The following PCDHA5 variants were observed in gnomAD, a reference collection of about 807,000 sequenced individuals.
The protein encoded by PCDHA5 is protocadherin alpha 5, also known as protocadherin alpha-5.
In PCDHA5, 43 loss-of-function variants were observed where a neutral mutation model predicts 61.6. That is an observed-to-expected ratio of 0.70 (90% CI 0.55 to 0.90). The LOEUF is 0.90. Among genes scored for constraint, PCDHA5 ranks in the 40% least tolerant of loss-of-function variants. The pLI, the probability that PCDHA5 is intolerant of heterozygous loss-of-function variation, is 0.00. For missense variants in PCDHA5, 1,298 were observed against 1,222.7 expected (o/e 1.06, Z -0.92); for synonymous variants, 627 against 543.9 (o/e 1.15, Z -2.13).
intron 1 of PCDHA5, chr5:140,847,797 C>A (rs192930610): frequency 1.3e-5 from 2 of 149,780 alleles, no homozygotes; most frequent in African/African-American, 2.4e-5. Flanking sequence ...ATATTTTATA[C>A]CTTTTCAATT....
In PCDHA5 at chr5:141,010,279, A is replaced by T. The variant is rs2098416787; in HGVS notation, c.*342A>T. 2.6e-6 allele frequency: 4 copies of T among 1,551,490 alleles called. No homozygotes were observed. The highest frequency in any genetic ancestry group is 3.5e-6 in the Non-Finnish European group (4 of 1,146,936). ...CCTGTGCTCCGGGGATCCTGTCTTG[A>T]TGACACTTGCAGGGCAGGCTGAAAA... On this transcript the variant is annotated 3_prime_UTR_variant, in exon 4 of 4. Coordinates refer to ENST00000529859, the MANE Select transcript of PCDHA5 (RefSeq NM_018908.3).
chr5:140,968,326 C>G (rs1554230623), intron 1 of PCDHA5: 1 of 1,614,058 alleles, frequency 6.2e-7, no homozygotes, highest in Non-Finnish European at 8.5e-7. Context: ...CAGTCACCTC[C>G]TATGTCTCCA....
Position 140,823,024 on chromosome 5 carries a change from G to C in PCDHA5, c.1249G>C (p.Val417Leu), listed in dbSNP as rs2150121461. The C allele has an allele frequency of 2.2e-5, 36 of 1,614,202 alleles. No individual in the cohort carries two copies. The highest frequency in any genetic ancestry group is 3.3e-5 in the South Asian group (3 of 91,090). The change falls in exon 1 of 4, where the codon GTG (valine) becomes CTG (leucine). Residue 417 changes from valine to leucine, a missense_variant. Transcript: ENST00000529859. ...VLDSALDRES[V>L]SVYELVVTAR... ...GGACAGCGCCCTGGACCGCGAGAGC[G>C]TGTCGGTCTATGAGCTGGTGGTGAC...
chr5:140,859,139 T>G (rs2045740585), intron 1 of PCDHA5: 1 of 150,214 alleles, frequency 6.7e-6, no homozygotes, highest in African/African-American at 2.4e-5. Context: ...TTACATAATT[T>G]TATCCAGTAG....
rs2150467909 is a variant in PCDHA5, at chr5:140,850,110, G to A, written c.2352+25983G>A. The A allele has an allele frequency of 3.1e-6, 5 of 1,596,146 alleles. No individual in the cohort carries two copies. The East Asian group carries it at 8.9e-5, about 28-fold the overall frequency. Reference sequence around the variant, plus strand: ...GCTACAGTTCCAGGTGAGCGCGCGCGACGCGGGCGTGCCGCCTCTGGGCAG... The same window carrying A: ...GCTACAGTTCCAGGTGAGCGCGCGCAACGCGGGCGTGCCGCCTCTGGGCAG... On this transcript the variant is annotated intron_variant, in intron 1 of 3. Coordinates refer to ENST00000529859, the MANE Select transcript of PCDHA5 (RefSeq NM_018908.3).
chr5:140,822,409 A>T lies in PCDHA5; in HGVS notation c.634A>T (p.Ile212Phe). Reference sequence around the variant, plus strand: ...AACACAAGAACACCGTTTATTAGTGATTGCAACTGATGGAGGAAAACCCGA... The same window carrying T: ...AACACAAGAACACCGTTTATTAGTGTTTGCAACTGATGGAGGAAAACCCGA... Reference protein sequence around the residue: ...EETQEHRLLVIATDGGKPELT... With the variant: ...EETQEHRLLVFATDGGKPELT... Residue 212 changes from isoleucine to phenylalanine, a missense_variant, in exon 1 of 4, where the codon ATT (isoleucine) becomes TTT (phenylalanine). Coordinates refer to ENST00000529859, the MANE Select transcript of PCDHA5 (RefSeq NM_018908.3). 1 of 1,614,100 alleles carries T rather than the reference A, an allele frequency of 6.2e-7. No homozygotes were observed. The highest frequency in any genetic ancestry group is 8.5e-7 in the Non-Finnish European group (1 of 1,180,030).
At chr5:141,005,633 C>T (rs1292206901) in intron 3 of PCDHA5, among the ~76,000 whole-genome samples, 2 of 126,368 alleles carry the variant, frequency 1.6e-5, no homozygotes. Context: ...ACCCGGGAGG[C>T]GGAGCTTGCA....
rs781975666 is a variant in PCDHA5, at chr5:140,856,109, G to A, written c.2352+31982G>A. 6.9e-6 allele frequency: 11 copies of A among 1,597,740 alleles called. 1 individual carries two copies. The highest frequency in any genetic ancestry group is 4.0e-5 in the African/African-American group (3 of 74,230). On this transcript the variant is annotated intron_variant, in intron 1 of 3. Transcript: ENST00000529859. The stretch of plus-strand genomic sequence containing the variant: ...TCTGCTGCTCTCGCTTCTTCTCCTC[G>A]CAGCCTGGGAGGTGGGGAGCGGCCA...
intron 1 of PCDHA5, among the ~76,000 whole-genome samples, chr5:140,845,543 T>C (rs1416946225): frequency 6.7e-6 from 1 of 149,544 alleles, no homozygotes; most frequent in Non-Finnish European, 1.5e-5. Flanking sequence ...ATTCTAATTA[T>C]GGTGATGCTT....
intron 1 of PCDHA5, among the ~76,000 whole-genome samples, chr5:140,944,325 T>C (rs1179163685): frequency 1.3e-5 from 2 of 152,196 alleles, no homozygotes; most frequent in East Asian, 3.9e-4. Context: ...GTAGCTGGGA[T>C]TACAAGCACG....
chr5:140,906,963 G>A (rs150934602), intron 1 of PCDHA5, among the ~76,000 whole-genome samples: 2 of 152,098 alleles, frequency 1.3e-5, no homozygotes, highest in South Asian at 2.1e-4. Flanking sequence ...TAATGGAATC[G>A]TGGTTGTGTC....
chr5:140,844,416 T>C (rs2150371030), intron 1 of PCDHA5, among the ~76,000 whole-genome samples: 3 of 149,642 alleles, frequency 2.0e-5, no homozygotes, highest in Admixed American at 6.7e-5. Context: ...TGGAGACATG[T>C]TTTTTATTCT....
At chr5:140,858,372 C>T in intron 1 of PCDHA5, 1 of 1,587,864 alleles carries the variant, frequency 6.3e-7, no homozygotes, top group Non-Finnish European at 8.6e-7. Flanking sequence ...CCCAGCCTTC[C>T]ACCATGCCCA....
At chr5:140,868,823 G>T (rs576498570) in intron 1 of PCDHA5, 2 of 397,532 alleles carry the variant, frequency 5.0e-6, no homozygotes, top group East Asian at 8.3e-5. Flanking sequence ...ATATTTGGGG[G>T]AAGAAACCCA....
intron 1 of PCDHA5, among the ~76,000 whole-genome samples, chr5:140,910,092 C>T (rs1554194118): frequency 6.6e-6 from 1 of 152,170 alleles, no homozygotes; most frequent in African/African-American, 2.4e-5. Context: ...GGGGAACCAG[C>T]CTCCCCTTCA....
In PCDHA5 at chr5:140,963,375, C is replaced by A. The variant is rs1425392684; in HGVS notation, c.2353-15574C>A. On this transcript the variant is annotated intron_variant, in intron 1 of 3. Transcript: ENST00000529859. ...CTTTTCAAAGAACATTAATTGAGCA[C>A]CTCTGTGCCAAGCTCCCTACTGGAT... is the stretch of plus-strand genomic sequence containing the variant. Among the ~76,000 whole-genome samples, 15 of 152,176 alleles carry A rather than the reference C, an allele frequency of 9.9e-5. 1 individual carries two copies. The highest frequency in any genetic ancestry group is 5.2e-4 in the Admixed American group (8 of 15,290).
At chr5:140,869,313 A>G in intron 1 of PCDHA5, 1 of 1,613,732 alleles carries the variant, frequency 6.2e-7, no homozygotes, top group Non-Finnish European at 8.5e-7. Context: ...CGTCCAAAAC[A>G]CATGGGGACC....
intron 1 of PCDHA5, among the ~76,000 whole-genome samples, chr5:140,885,900 C>G (rs1387318205): frequency 6.6e-6 from 1 of 152,120 alleles, no homozygotes; most frequent in Non-Finnish European, 1.5e-5. Flanking sequence ...GAAAAGTTCT[C>G]TGTACCTTAT....
intron 1 of PCDHA5, among the ~76,000 whole-genome samples, chr5:140,934,548 ATT>A (rs1290393008): frequency 1.3e-5 from 2 of 152,018 alleles, no homozygotes; most frequent in African/African-American, 2.4e-5. Context: ...TAATTCTATC[ATT>A]TCTTCTTTTT....
Sources: allele counts gnomAD v4.1 joint callset (sites outside exome capture counted in the v4.1 genomes callset), GRCh38; gene constraint gnomAD v4.1.1; transcripts MANE v1.5; gene names NCBI Gene and HGNC (gene_info 2026-07-23, HGNC 2026-07-21).